Variants in ABCB4 observed in about 807,000 individuals in gnomAD.
ABCB4 encodes the protein phosphatidylcholine translocator ABCB4.
ABCB4 carries 76 observed loss-of-function variants against 145.7 expected under a neutral mutation model. The ratio of observed to expected loss-of-function variants is 0.52; its 90% CI spans 0.43 to 0.63. The LOEUF (loss-of-function observed/expected upper bound fraction) is 0.63, where lower values mean the gene tolerates loss of function less well. Ranked by LOEUF, ABCB4 falls within the 30% of genes least tolerant of loss-of-function variation. ABCB4 has a pLI of 0.00. For missense variants in ABCB4, 1,234 were observed against 1,553.1 expected, an observed-to-expected ratio of 0.79 and a Z score of 3.45; for synonymous variants, 517 against 566.8, an observed-to-expected ratio of 0.91 and a Z score of 1.25.
chr7:87,426,424 AT>A (rs1394975048), intron 16 of ABCB4, among the ~76,000 whole-genome samples: 2 of 152,204 alleles, frequency 1.3e-5, no homozygotes, highest in Non-Finnish European at 2.9e-5. Context: ...CCAATAGAGT[AT>A]GCAAATATCA....
chr7:87,448,914 A>G (rs1811524234), intron 8 of ABCB4, among the ~76,000 whole-genome samples: 1 of 152,214 alleles, frequency 6.6e-6, no homozygotes, highest in Non-Finnish European at 1.5e-5. Context: ...TAGAATAGCC[A>G]AAGAAAATAC....
chr7:87,472,395 T>G (rs1161444300), intron 3 of ABCB4, among the ~76,000 whole-genome samples: 1 of 152,046 alleles, frequency 6.6e-6, no homozygotes, highest in Non-Finnish European at 1.5e-5. Flanking sequence ...ATTTTTATTT[T>G]TATTATTTTG....
chr7:87,466,489 AG>A (rs1239345203), intron 3 of ABCB4, among the ~76,000 whole-genome samples: 5 of 152,288 alleles, frequency 3.3e-5, no homozygotes, highest in African/African-American at 1.2e-4. Context: ...GATATTATCC[AG>A]GAGAACTTCC....
intron 14 of ABCB4, among the ~76,000 whole-genome samples, chr7:87,436,394 G>C (rs1274416819): frequency 6.6e-6 from 1 of 151,708 alleles, no homozygotes; most frequent in Admixed American, 6.6e-5. Flanking sequence ...CCAAAGAAGA[G>C]AGGAGCCTGT....
intron 15 of ABCB4, among the ~76,000 whole-genome samples, chr7:87,429,450 A>C (rs2116587885): frequency 6.6e-6 from 1 of 152,346 alleles, no homozygotes; most frequent in East Asian, 1.9e-4. Context: ...TTCCTAAGAA[A>C]GTAAGCTTGG....
the ABCB4 span, among the ~76,000 whole-genome samples, chr7:87,395,330 G>A: frequency 6.6e-6 from 1 of 152,162 alleles, no homozygotes; most frequent in Non-Finnish European, 1.5e-5. Flanking sequence ...TGCCCTCCCA[G>A]ATTAACGGTG....
chr7:87,393,172 C>T, the ABCB4 span: 1 of 1,207,406 alleles, frequency 8.3e-7, no homozygotes, highest in African/African-American at 1.5e-5. Flanking sequence ...TGCCATCTGT[C>T]ACTTGCTACA....
chr7:87,465,388 G>A (rs923330145), intron 3 of ABCB4, among the ~76,000 whole-genome samples: 9 of 152,150 alleles, frequency 5.9e-5, no homozygotes, highest in Non-Finnish European at 1.0e-4. Context: ...AAGCTCTTGA[G>A]TAGGTAAACA....
chr7:87,419,881 T>C (rs1423545353), intron 19 of ABCB4, 117 bp downstream of exon 19: 23 of 1,083,390 alleles, frequency 2.1e-5, no homozygotes, highest in South Asian at 1.3e-4. Flanking sequence ...TGCCCCATCC[T>C]TGCGTGAATA....
At chr7:87,366,258 A>G in the ABCB4 span, among the ~76,000 whole-genome samples, 9 of 150,708 alleles carry the variant, frequency 6.0e-5, no homozygotes, top group African/African-American at 2.2e-4. Flanking sequence ...TTTTTCTTTT[A>G]TATAGCACTA....
the ABCB4 span, among the ~76,000 whole-genome samples, chr7:87,370,997 T>A: frequency 6.6e-6 from 1 of 152,248 alleles, no homozygotes; most frequent in Non-Finnish European, 1.5e-5. Context: ...TGTGTTGCAA[T>A]ACACAGAGTA....
At chr7:87,473,310 G>A (rs1223568496) in intron 2 of ABCB4, among the ~76,000 whole-genome samples, 1 of 152,018 alleles carries the variant, frequency 6.6e-6, no homozygotes, top group South Asian at 2.1e-4. Context: ...GGTCCTACAC[G>A]ATCTGTTTGC....
chr7:87,441,624 C>A (rs912938958), intron 12 of ABCB4, among the ~76,000 whole-genome samples: 1 of 151,422 alleles, frequency 6.6e-6, no homozygotes, highest in Non-Finnish European at 1.5e-5. Flanking sequence ...TTCTGTCACT[C>A]AGGCTTTGGA....
At chr7:87,466,148 A>G (rs1275132739) in intron 3 of ABCB4, among the ~76,000 whole-genome samples, 1 of 152,188 alleles carries the variant, frequency 6.6e-6, no homozygotes, top group Non-Finnish European at 1.5e-5. Flanking sequence ...TTAAAAACCT[A>G]GAAAAAAGAA....
chr7:87,398,807 A>C (rs1254270041), downstream of ABCB4: 1 of 666,598 alleles, frequency 1.5e-6, no homozygotes, highest in East Asian at 2.8e-5. Flanking sequence ...TGCTCTCTAA[A>C]TTTATTCTGC....
the ABCB4 span, among the ~76,000 whole-genome samples, chr7:87,369,856 C>CAT: frequency 7.2e-6 from 1 of 138,662 alleles, no homozygotes; most frequent in Non-Finnish European, 1.5e-5. Context: ...TATGTATATA[C>CAT]ATATATATGG....
At chr7:87,461,435 G>A (rs1238747018) in intron 4 of ABCB4, among the ~76,000 whole-genome samples, 2 of 152,166 alleles carry the variant, frequency 1.3e-5, no homozygotes, top group Non-Finnish European at 1.5e-5. Context: ...AGAAAGACCA[G>A]CAGTGTAACT....
intron 4 of ABCB4, among the ~76,000 whole-genome samples, chr7:87,458,828 G>A (rs1299893418): frequency 6.6e-6 from 1 of 152,000 alleles, no homozygotes; most frequent in African/African-American, 2.4e-5. Flanking sequence ...TAATTCGGAG[G>A]CTACCAAAAC....
intron 17 of ABCB4, among the ~76,000 whole-genome samples, chr7:87,422,534 C>T (rs1457276844): frequency 6.6e-6 from 1 of 152,204 alleles, no homozygotes; most frequent in Non-Finnish European, 1.5e-5. Context: ...CCCTCCTCCT[C>T]CCAGCTCCTG....
Sources: allele counts gnomAD v4.1 joint callset (sites outside exome capture counted in the v4.1 genomes callset), GRCh38; gene constraint gnomAD v4.1.1; transcripts MANE v1.5; gene names NCBI Gene and HGNC (gene_info 2026-07-23, HGNC 2026-07-21).